Variants in IGSF10 observed in about 807,000 individuals in gnomAD.
IGSF10 encodes calvaria mechanical force protein 608.
Under a neutral mutation model 128.2 loss-of-function variants are expected in IGSF10, and 126 were observed. The observed-to-expected ratio is 0.98, with a 90% CI of 0.85 to 1.14. The LOEUF (loss-of-function observed/expected upper bound fraction) is 1.14. Among genes scored for constraint, IGSF10 ranks in the 50% most tolerant of loss-of-function variants. IGSF10 has a pLI of 0.00. For synonymous variants in IGSF10, 1,185 were observed against 1,146.2 expected (o/e 1.03, Z -0.68); for missense variants, 3,295 against 3,149.8 (o/e 1.05, Z -1.10).
In IGSF10 at chr3:151,447,099, ACTTC is replaced by A; in HGVS notation, c.2878_2881del (p.Glu960Ter). The stretch of plus-strand genomic sequence containing the variant: ...GAAGTGATTGTGCCTGGGTTCACTC[ACTTC>A]TCTTACAGATGTCTGATGACTATTT... On this transcript the variant is annotated frameshift_variant, in exon 6 of 8. Transcript: ENST00000282466. LOFTEE classifies it high-confidence loss of function. 6.2e-7 allele frequency: 1 copy of A among 1,614,202 alleles called. No homozygotes were observed.
chr3:151,511,088 C>T, the IGSF10 span, among the ~76,000 whole-genome samples: 4 of 152,096 alleles, frequency 2.6e-5, no homozygotes, highest in Non-Finnish European at 5.9e-5. Flanking sequence ...GGCAGGCCAA[C>T]ATTCAAATTC....
intron 5 of IGSF10, 83 bp downstream of exon 5, chr3:151,453,301 C>T (rs1721597889): frequency 9.4e-7 from 1 of 1,069,262 alleles, no homozygotes; most frequent in Non-Finnish European, 1.3e-6. Context: ...CTAAATTACC[C>T]TGGGCTCTCC....
downstream of IGSF10, chr3:151,435,675 G>GA (rs1467735977): frequency 6.6e-6 from 1 of 151,950 alleles, no homozygotes; most frequent in African/African-American, 2.4e-5. Context: ...AATTACACTG[G>GA]AAAACCCCAC....
chr3:151,544,547 T>C, the IGSF10 span, among the ~76,000 whole-genome samples: 10 of 152,224 alleles, frequency 6.6e-5, no homozygotes, highest in Non-Finnish European at 1.5e-4. Flanking sequence ...CTGAGAATTT[T>C]AAAGACACTG....
At chr3:151,504,255 G>T in the IGSF10 span, among the ~76,000 whole-genome samples, 2 of 152,186 alleles carry the variant, frequency 1.3e-5, no homozygotes, top group Non-Finnish European at 2.9e-5. Flanking sequence ...AGGCAAGATG[G>T]AGTTGGTTAG....
chr3:151,489,013 A>G, the IGSF10 span, among the ~76,000 whole-genome samples: 1 of 152,242 alleles, frequency 6.6e-6, no homozygotes, highest in Admixed American at 6.5e-5. Flanking sequence ...GCAGCAAAAG[A>G]AACTATCATC....
the IGSF10 span, among the ~76,000 whole-genome samples, chr3:151,576,735 G>A: frequency 2.0e-5 from 3 of 152,050 alleles, no homozygotes; most frequent in Non-Finnish European, 1.5e-5. Flanking sequence ...CCAGTACCAC[G>A]AGAGTTTACA....
In IGSF10 at chr3:151,446,769, C is replaced by G. The variant is rs775814042; in HGVS notation, c.3212G>C (p.Arg1071Thr). The G allele has an allele frequency of 6.2e-7, 1 of 1,613,958 alleles. No individual in the cohort carries two copies. Among genetic ancestry groups the G allele is most frequent in the African/African-American group, 1.3e-5 (1 of 74,922 alleles). ...VTCLSCLPRERLTTATAALSF... is the reference protein window; with the variant it reads ...VTCLSCLPRETLTTATAALSF... ...CAATGCTGCTGTGGCAGTGGTGAGCCTCTCCCTGGGAAGACAGGACAGACA... is the reference window on the plus strand; with the variant it reads ...CAATGCTGCTGTGGCAGTGGTGAGCGTCTCCCTGGGAAGACAGGACAGACA... Residue 1071 changes from arginine to threonine, a missense_variant, in exon 6 of 8, where the codon AGG becomes ACG. By Grantham distance (71) the Arg-to-Thr change is moderately conservative. Coordinates refer to ENST00000282466, the MANE Select transcript of IGSF10 (RefSeq NM_178822.5).
At chr3:151,551,675 A>T in the IGSF10 span, among the ~76,000 whole-genome samples, 1 of 150,096 alleles carries the variant, frequency 6.7e-6, no homozygotes, top group African/African-American at 2.5e-5. Context: ...ACACACACAC[A>T]CACACACACA....
chr3:151,525,669 G>T, the IGSF10 span, among the ~76,000 whole-genome samples: 2 of 152,020 alleles, frequency 1.3e-5, no homozygotes, highest in East Asian at 3.8e-4. Context: ...CAGTTTTCTT[G>T]CCCACTATTG....
the IGSF10 span, among the ~76,000 whole-genome samples, chr3:151,566,427 T>C: frequency 1.3e-5 from 2 of 152,198 alleles, no homozygotes; most frequent in Non-Finnish European, 2.9e-5. Context: ...GGTTGTGTTA[T>C]GCTATAACAA....
At chr3:151,615,729 A>C in the IGSF10 span, among the ~76,000 whole-genome samples, 1 of 152,178 alleles carries the variant, frequency 6.6e-6, no homozygotes, top group Admixed American at 6.5e-5. Flanking sequence ...GGAGTGATTA[A>C]ATAGAGCTTT....
chr3:151,441,872 T>C (rs541360861), intron 7 of IGSF10, among the ~76,000 whole-genome samples: 160 of 152,206 alleles, frequency 1.1e-3, no homozygotes, highest in African/African-American at 2.2e-3. Context: ...CCATCCTGGC[T>C]AACATGGTGA....
the IGSF10 span, among the ~76,000 whole-genome samples, chr3:151,612,439 G>A: frequency 6.6e-6 from 1 of 152,128 alleles, no homozygotes; most frequent in Non-Finnish European, 1.5e-5. Flanking sequence ...GTGGTGATTA[G>A]CCTCCAAGTT....
At chr3:151,587,695 T>A in the IGSF10 span, among the ~76,000 whole-genome samples, 1 of 152,226 alleles carries the variant, frequency 6.6e-6, no homozygotes, top group Non-Finnish European at 1.5e-5. Flanking sequence ...GAATTGTAAC[T>A]CCCATAATTC....
At position 151,443,096 on chromosome 3, in the gene IGSF10, TCC is replaced by T; in HGVS notation, c.5849_5850del (p.Arg1950AsnfsTer2). On this transcript the variant is annotated frameshift_variant, in exon 7 of 8. Coordinates refer to ENST00000282466, the MANE Select transcript of IGSF10 (RefSeq NM_178822.5). LOFTEE classifies it high-confidence loss of function. ...AATTTGTCCCCAAAATTCACTTCAG[TCC>T]TTTTCTGGGATGCAGCTTCTATCCT... ...SPRIEAASQK[R>X]TEVNFGDKLL... The T allele has an allele frequency of 6.2e-7, 1 of 1,614,222 alleles. No homozygotes were observed. Among genetic ancestry groups the T allele is most frequent in the Non-Finnish European group, 8.5e-7 (1 of 1,180,040 alleles).
At chr3:151,516,853 A>T in the IGSF10 span, among the ~76,000 whole-genome samples, 6 of 152,146 alleles carry the variant, frequency 3.9e-5, no homozygotes, top group African/African-American at 1.2e-4. Flanking sequence ...CAATGAGTAC[A>T]GTTGTCACCA....
chr3:151,497,730 T>C, the IGSF10 span, among the ~76,000 whole-genome samples: 1 of 152,190 alleles, frequency 6.6e-6, no homozygotes, highest in Admixed American at 6.5e-5. Flanking sequence ...ATTGGTAGCT[T>C]GATGGGGATG....
At chr3:151,526,291 G>A in the IGSF10 span, among the ~76,000 whole-genome samples, 1 of 151,974 alleles carries the variant, frequency 6.6e-6, no homozygotes, top group Non-Finnish European at 1.5e-5. Flanking sequence ...CTTCCCTCCA[G>A]AGGCCAGACC....
Sources: allele counts gnomAD v4.1 joint callset (sites outside exome capture counted in the v4.1 genomes callset), GRCh38; gene constraint gnomAD v4.1.1; transcripts MANE v1.5; gene names NCBI Gene and HGNC (gene_info 2026-07-23, HGNC 2026-07-21).